The following TRAPPC9 variants were observed in gnomAD, a reference collection of about 807,000 sequenced individuals.
TRAPPC9 encodes IKK2 binding protein.
TRAPPC9 carries 83 observed loss-of-function variants against 124.0 expected under a neutral mutation model. That is an observed-to-expected ratio of 0.67 (90% confidence interval 0.56 to 0.80). TRAPPC9 has a LOEUF of 0.80. Ranked by LOEUF, TRAPPC9 falls within the 30% of genes least tolerant of loss-of-function variation. TRAPPC9 has a pLI of 0.00. For synonymous variants in TRAPPC9, 638 were observed against 617.5 expected, an observed-to-expected ratio of 1.03 and a Z score of -0.49; for missense variants, 1,302 against 1,508.3, an observed-to-expected ratio of 0.86 and a Z score of 2.27.
At chr8:140,269,311 G>A (rs2064799040) in intron 15 of TRAPPC9, among the ~76,000 whole-genome samples, 1 of 151,990 alleles carries the variant, frequency 6.6e-6, no homozygotes, top group Non-Finnish European at 1.5e-5. Context: ...GGAGACTGAG[G>A]CGGGCAGATC....
At chr8:140,175,511 A>G (rs1402733490) in intron 17 of TRAPPC9, among the ~76,000 whole-genome samples, 2 of 152,200 alleles carry the variant, frequency 1.3e-5, no homozygotes, top group East Asian at 1.9e-4. Flanking sequence ...AATGAACGCC[A>G]AAGAGATTAG....
At chr8:139,784,606 G>GATATATATATATAT (rs1463265666) in intron 21 of TRAPPC9, among the ~76,000 whole-genome samples, 2 of 30,432 alleles carry the variant, frequency 6.6e-5, no homozygotes, top group African/African-American at 1.9e-4. Flanking sequence ...ATAAAAGACT[G>GATATATATATATAT]ACATATATAT....
intron 3 of TRAPPC9, 68 bp from the exon 4 acceptor site, chr8:140,435,308 G>C: frequency 6.4e-7 from 1 of 1,558,528 alleles, no homozygotes; most frequent in Non-Finnish European, 8.8e-7. Flanking sequence ...CATTAGTCAA[G>C]TCAGTGACCC....
intron 21 of TRAPPC9, among the ~76,000 whole-genome samples, chr8:139,786,859 A>G (rs1277066290): frequency 6.6e-6 from 1 of 152,192 alleles, no homozygotes; most frequent in Non-Finnish European, 1.5e-5. Context: ...ACAGTGACAG[A>G]AAACGGGTCA....
At chr8:139,821,473 C>A (rs905421871) in intron 21 of TRAPPC9, among the ~76,000 whole-genome samples, 2 of 152,196 alleles carry the variant, frequency 1.3e-5, no homozygotes, top group African/African-American at 4.8e-5. Flanking sequence ...CAGGACCCCG[C>A]TTCTGTAAAA....
chr8:139,947,905 T>TAGAGAGAGAGAGAGAGAG (rs1431867247), intron 19 of TRAPPC9, among the ~76,000 whole-genome samples: 1 of 43,330 alleles, frequency 2.3e-5, no homozygotes, highest in African/African-American at 8.9e-5. Context: ...TATATATATA[T>TAGAGAGAGAGAGAGAGAG]ATAGAGAGAG....
chr8:139,764,283 G>T (rs1442043460), intron 21 of TRAPPC9, among the ~76,000 whole-genome samples: 1 of 152,192 alleles, frequency 6.6e-6, no homozygotes, highest in Admixed American at 6.5e-5. Flanking sequence ...TGTAGCAGGG[G>T]CAGTGAAATG....
chr8:140,037,782 TGCACACCACAC>T (rs1840996982), intron 17 of TRAPPC9, among the ~76,000 whole-genome samples: 1 of 133,514 alleles, frequency 7.5e-6, no homozygotes, highest in Admixed American at 7.6e-5. Context: ...CACACAGACA[TGCACACCACAC>T]GCACACCCAA....
At chr8:139,865,267 C>T (rs929291384) in intron 21 of TRAPPC9, among the ~76,000 whole-genome samples, 38 of 152,224 alleles carry the variant, frequency 2.5e-4, no homozygotes, top group African/African-American at 6.8e-4. Context: ...CATGTCCATG[C>T]GTTCTGGTCT....
At chr8:139,972,904 C>T (rs946156540) in intron 19 of TRAPPC9, among the ~76,000 whole-genome samples, 3 of 152,308 alleles carry the variant, frequency 2.0e-5, no homozygotes, top group East Asian at 1.9e-4. Context: ...GTCCCAGACC[C>T]GGCCTCAGGC....
At chr8:140,316,596 C>CT (rs913399461) in intron 9 of TRAPPC9, among the ~76,000 whole-genome samples, 1 of 152,192 alleles carries the variant, frequency 6.6e-6, no homozygotes, top group African/African-American at 2.4e-5. Flanking sequence ...ATGAATTCCA[C>CT]TTGATCATGG....
At chr8:140,024,555 G>A (rs10448115) in intron 17 of TRAPPC9, among the ~76,000 whole-genome samples, 16 of 151,786 alleles carry the variant, frequency 1.1e-4, no homozygotes, top group African/African-American at 1.9e-4. Context: ...ACACCACCAC[G>A]CCTGGCTAAT....
At chr8:140,132,248 A>T (rs1351971236) in intron 17 of TRAPPC9, among the ~76,000 whole-genome samples, 1 of 152,168 alleles carries the variant, frequency 6.6e-6, no homozygotes, top group African/African-American at 2.4e-5. Context: ...CCTCCAAAAC[A>T]ACGTGCTCCT....
At chr8:139,746,470 T>C (rs1818896384) in intron 21 of TRAPPC9, among the ~76,000 whole-genome samples, 1 of 152,116 alleles carries the variant, frequency 6.6e-6, no homozygotes, top group African/African-American at 2.4e-5. Context: ...ATAGGCGGGC[T>C]ATGGGACCAA....
chr8:140,386,682 G>A (rs185381752), intron 7 of TRAPPC9, among the ~76,000 whole-genome samples: 258 of 152,272 alleles, frequency 1.7e-3, no homozygotes, highest in African/African-American at 6.0e-3. Context: ...CAAACAAATG[G>A]AAGAACATTC....
chr8:140,040,122 T>C (rs1841170435), intron 17 of TRAPPC9: 1 of 152,210 alleles, frequency 6.6e-6, no homozygotes, highest in Admixed American at 6.5e-5. Flanking sequence ...ATGTATATCA[T>C]GAGAAGCGTG....
rs1372381341 is a variant in TRAPPC9 at position 139,788,701 on chromosome 8, C to G, written c.3056-56499G>C. 6.6e-6 allele frequency among the ~76,000 whole-genome samples: 1 copy of G among 152,238 alleles called. No homozygotes were observed. The highest frequency in any genetic ancestry group is 1.5e-5 in the Non-Finnish European group (1 of 68,046). Reference sequence around the variant, plus strand: ...TGACGGCCACGCAGAGTCGAGTTACCATCACGCCTGCCTTCGTGGGCGCAG... The same window carrying G: ...TGACGGCCACGCAGAGTCGAGTTACGATCACGCCTGCCTTCGTGGGCGCAG... On this transcript the variant is annotated intron_variant, in intron 21 of 22. Transcript: ENST00000438773. The surrounding 1 kb of genome is among the most constrained non-coding windows in gnomAD (Gnocchi z 4.9).
intron 21 of TRAPPC9, among the ~76,000 whole-genome samples, chr8:139,813,320 AGAAGGGAG>A (rs1673860097): frequency 6.6e-6 from 1 of 152,340 alleles, no homozygotes; most frequent in East Asian, 1.9e-4. Flanking sequence ...GGACAGTGCA[AGAAGGGAG>A]GGGGAGCACC....
At chr8:139,926,602 T>A (rs574556596) in intron 19 of TRAPPC9, among the ~76,000 whole-genome samples, 2,869 of 101,890 alleles carry the variant, frequency 0.028, 93 homozygotes, top group African/African-American at 0.11. Flanking sequence ...TACAATGAAT[T>A]AAAATAAAAA....
Sources: allele counts gnomAD v4.1 joint callset (sites outside exome capture counted in the v4.1 genomes callset), GRCh38; gene constraint gnomAD v4.1.1; non-coding constraint Gnocchi (gnomAD v3.1); transcripts MANE v1.5; gene names NCBI Gene and HGNC (gene_info 2026-07-23, HGNC 2026-07-21).